The following GPR39 variants were observed in gnomAD, a reference collection of about 807,000 sequenced individuals.
The protein encoded by GPR39 is G protein-coupled receptor 39, also known as zinc sensing receptor.
Under a neutral mutation model 18.4 loss-of-function variants are expected in GPR39, and 23 were observed. That is an observed-to-expected ratio of 1.25 (90% CI 0.90 to 1.77). The LOEUF is 1.77. GPR39 is among the 40% of genes most tolerant of loss of function. The probability of loss-of-function intolerance (pLI) is 0.00; values close to 1 mark genes in which losing one functional copy is unlikely to be tolerated. For missense variants in GPR39, 647 were observed against 602.4 expected (o/e 1.07, Z -0.78); for synonymous variants, 280 against 257.9 (o/e 1.09, Z -0.82).
intron 1 of GPR39, among the ~76,000 whole-genome samples, chr2:132,611,165 G>C (rs897326980): frequency 1.1e-4 from 16 of 152,216 alleles, no homozygotes; most frequent in African/African-American, 3.6e-4. Context: ...TTAATTCTCT[G>C]GGGGAGAACA....
chr2:132,467,830 T>G (rs1015282078), intron 1 of GPR39, among the ~76,000 whole-genome samples: 3 of 152,206 alleles, frequency 2.0e-5, no homozygotes, highest in Admixed American at 6.5e-5. Context: ...GGTCAGTTGG[T>G]ATCTATATTT....
chr2:132,539,031 T>C (rs890984241), intron 1 of GPR39, among the ~76,000 whole-genome samples: 13 of 152,198 alleles, frequency 8.5e-5, no homozygotes, highest in African/African-American at 3.1e-4. Context: ...GCGAGACCAC[T>C]TGGCTCCCTG....
At chr2:132,627,394 G>T (rs547189503) in intron 1 of GPR39, among the ~76,000 whole-genome samples, 1 of 152,286 alleles carries the variant, frequency 6.6e-6, no homozygotes, top group South Asian at 2.1e-4. Context: ...GGAAACTCAG[G>T]ACAGGATGGT....
intron 1 of GPR39, among the ~76,000 whole-genome samples, chr2:132,593,283 C>T (rs1573687012): frequency 6.6e-6 from 1 of 152,114 alleles, no homozygotes; most frequent in South Asian, 2.1e-4. Context: ...TCTTCAGCTC[C>T]CCTCCTCTCC....
At chr2:132,427,918 AATAT>A (rs1012670765) in intron 1 of GPR39, among the ~76,000 whole-genome samples, 2 of 128,772 alleles carry the variant, frequency 1.6e-5, no homozygotes, top group African/African-American at 2.9e-5. Context: ...ATTATATTTA[AATAT>A]ATATATTATA....
intron 1 of GPR39, among the ~76,000 whole-genome samples, chr2:132,472,653 T>C (rs1035076482): frequency 1.3e-5 from 2 of 152,172 alleles, no homozygotes; most frequent in African/African-American, 2.4e-5. Context: ...GTAAGTGACA[T>C]GGTAGTGACC....
At chr2:132,449,255 T>TTTGTTTGTTTGTTTG (rs71994549) in intron 1 of GPR39, among the ~76,000 whole-genome samples, 1 of 150,574 alleles carries the variant, frequency 6.6e-6, no homozygotes, top group Non-Finnish European at 1.5e-5. Flanking sequence ...TTGTTTGTTT[T>TTTGTTTGTTTGTTTG]GTTTTGTTTT....
At chr2:132,466,097 T>G (rs1299968586) in intron 1 of GPR39, among the ~76,000 whole-genome samples, 5 of 152,204 alleles carry the variant, frequency 3.3e-5, no homozygotes, top group African/African-American at 9.6e-5. Context: ...GAGTCATTCA[T>G]GCTTAGCATA....
chr2:132,588,974 C>G (rs1273797797), intron 1 of GPR39, among the ~76,000 whole-genome samples: 1 of 150,274 alleles, frequency 6.7e-6, no homozygotes, highest in African/African-American at 2.5e-5. Flanking sequence ...TGCTCTTGCT[C>G]TGATCTCCCC....
intron 1 of GPR39, among the ~76,000 whole-genome samples, chr2:132,639,926 T>TA (rs141648124): frequency 1.1e-4 from 17 of 148,892 alleles, no homozygotes; most frequent in East Asian, 3.9e-4. Context: ...AAATTACAGT[T>TA]AAAAAAAAAT....
intron 1 of GPR39, among the ~76,000 whole-genome samples, chr2:132,527,305 G>A (rs540531043): frequency 7.4e-4 from 112 of 152,312 alleles, no homozygotes; most frequent in Non-Finnish European, 1.4e-3. Context: ...ATTCCATGGT[G>A]TATATGTACC....
At chr2:132,583,461 G>A (rs772276511) in intron 1 of GPR39, among the ~76,000 whole-genome samples, 3 of 151,696 alleles carry the variant, frequency 2.0e-5, no homozygotes, top group Admixed American at 6.6e-5. Flanking sequence ...TGGCCAACCT[G>A]CCAATTGAGG....
chr2:132,544,038 G>A (rs1679902293), intron 1 of GPR39, among the ~76,000 whole-genome samples: 2 of 152,198 alleles, frequency 1.3e-5, no homozygotes, highest in Admixed American at 1.3e-4. Context: ...GAGAATGGCA[G>A]CCAGAGTTCA....
At chr2:132,609,437 G>A (rs1460603975) in intron 1 of GPR39, among the ~76,000 whole-genome samples, 3 of 152,212 alleles carry the variant, frequency 2.0e-5, no homozygotes, top group Non-Finnish European at 4.4e-5. Context: ...GAGAGTCAGA[G>A]AGGTGAAATC....
In GPR39 at chr2:132,433,227, G is replaced by A. The variant is rs73955643; in HGVS notation, c.856+15329G>A. Among the ~76,000 whole-genome samples, 642 of 152,244 alleles carry A rather than the reference G, an allele frequency of 4.2e-3. 5 individuals are homozygous for A. Among genetic ancestry groups the A allele is most frequent in the African/African-American group, 0.015 (628 of 41,548 alleles). On this transcript the variant is annotated intron_variant, in intron 1 of 1. Coordinates refer to ENST00000329321, the MANE Select transcript of GPR39 (RefSeq NM_001508.3). ...ACTTACATACACACAAATACAGATT[G>A]TACATGGTGCCATTTGCAGTTGAGA...
chr2:132,545,856 C>G (rs1006576525), intron 1 of GPR39, among the ~76,000 whole-genome samples: 1 of 152,098 alleles, frequency 6.6e-6, no homozygotes, highest in Non-Finnish European at 1.5e-5. Context: ...ACTAAGTTTG[C>G]GTAACAAGAG....
At chr2:132,482,011 C>T (rs1202629533) in intron 1 of GPR39, among the ~76,000 whole-genome samples, 1 of 152,298 alleles carries the variant, frequency 6.6e-6, no homozygotes, top group East Asian at 1.9e-4. Flanking sequence ...TCTCTGTAGA[C>T]TGGACCATCT....
intron 1 of GPR39, among the ~76,000 whole-genome samples, chr2:132,634,416 C>T (rs1469259016): frequency 2.6e-5 from 4 of 152,038 alleles, no homozygotes; most frequent in Non-Finnish European, 1.5e-5. Context: ...GAGGCAAAGC[C>T]GGAGGTGTCC....
chr2:132,529,743 G>T (rs955237415), intron 1 of GPR39, among the ~76,000 whole-genome samples: 1 of 152,148 alleles, frequency 6.6e-6, no homozygotes, highest in Non-Finnish European at 1.5e-5. Context: ...AGGCAAATAG[G>T]GTCTGGAGTG....
Sources: gnomAD v4.1 joint callset for allele counts (sites outside exome capture counted in the v4.1 genomes callset) on GRCh38, gnomAD v4.1.1 for gene constraint, MANE v1.5 for transcripts, NCBI Gene and HGNC (gene_info 2026-07-23, HGNC 2026-07-21) for gene names.